Variants in ST18 observed in about 807,000 individuals in gnomAD.
The protein encoded by ST18 is suppression of tumorigenicity 18 protein.
In ST18, 50 loss-of-function variants were observed where a neutral mutation model predicts 110.0. That is an observed-to-expected ratio of 0.45 (90% CI 0.36 to 0.58). ST18 has a LOEUF of 0.58. ST18 is among the 20% of genes least tolerant of loss of function. The probability of loss-of-function intolerance (pLI) is 0.00; values close to 1 mark genes in which losing one functional copy is unlikely to be tolerated. For synonymous variants in ST18, 461 were observed against 452.4 expected, an observed-to-expected ratio of 1.02 and a Z score of -0.24; for missense variants, 1,306 against 1,280.1, an observed-to-expected ratio of 1.02 and a Z score of -0.31.
chr8:52,145,308 GTTAT>G (rs1481028426), intron 16 of ST18, among the ~76,000 whole-genome samples: 2 of 152,024 alleles, frequency 1.3e-5, no homozygotes, highest in Non-Finnish European at 2.9e-5. Flanking sequence ...CAGGATATAT[GTTAT>G]TTATTTTGGT....
At chr8:52,203,116 G>T (rs930263319) in intron 8 of ST18, among the ~76,000 whole-genome samples, 1 of 152,074 alleles carries the variant, frequency 6.6e-6, no homozygotes, top group South Asian at 2.1e-4. Context: ...CAAAAAGTAG[G>T]CAGTATATTA....
chr8:52,116,876 C>A (rs967884821), intron 24 of ST18, among the ~76,000 whole-genome samples: 1 of 152,082 alleles, frequency 6.6e-6, no homozygotes, highest in Admixed American at 6.5e-5. Context: ...CCCCTGGGCC[C>A]AGCCACCAGT....
At chr8:52,381,869 A>C (rs1277821479) in intron 2 of ST18, among the ~76,000 whole-genome samples, 2 of 152,108 alleles carry the variant, frequency 1.3e-5, no homozygotes, top group Non-Finnish European at 2.9e-5. Context: ...AACAATGCAC[A>C]ATGCTCACTA....
At chr8:52,239,732 C>G (rs917803797) in intron 2 of ST18, among the ~76,000 whole-genome samples, 13 of 152,170 alleles carry the variant, frequency 8.5e-5, no homozygotes, top group African/African-American at 3.1e-4. Flanking sequence ...AAAGTCTTCC[C>G]TCTCTCACGC....
intron 13 of ST18, among the ~76,000 whole-genome samples, chr8:52,162,043 T>C (rs2061597105): frequency 6.6e-6 from 1 of 152,124 alleles, no homozygotes; most frequent in African/African-American, 2.4e-5. Context: ...AACCCCTGTC[T>C]CTACTAAAAA....
chr8:52,260,360 G>A (rs558594219), intron 2 of ST18, among the ~76,000 whole-genome samples: 7 of 152,160 alleles, frequency 4.6e-5, no homozygotes, highest in East Asian at 1.9e-4. Context: ...TCTTCACAAA[G>A]CAACTGAATT....
chr8:52,353,146 T>C (rs558588202), intron 2 of ST18, among the ~76,000 whole-genome samples: 1 of 152,338 alleles, frequency 6.6e-6, no homozygotes, highest in East Asian at 1.9e-4. Context: ...TATCCAAAGA[T>C]AGAGTTATGT....
intron 17 of ST18, among the ~76,000 whole-genome samples, chr8:52,140,993 A>T (rs1440974975): frequency 6.6e-6 from 1 of 151,488 alleles, no homozygotes; most frequent in Non-Finnish European, 1.5e-5. Context: ...AGTTTCTAAG[A>T]AGTTAGAAGT....
intron 5 of ST18, among the ~76,000 whole-genome samples, chr8:52,218,647 G>T (rs112278412): frequency 0.097 from 14,076 of 144,972 alleles, 1,533 homozygotes; most frequent in African/African-American, 0.26. Context: ...TGATCCACCC[G>T]CCTTGGCCTC....
chr8:52,258,667 T>C (rs934057878), intron 2 of ST18, among the ~76,000 whole-genome samples: 3 of 152,186 alleles, frequency 2.0e-5, no homozygotes, highest in Non-Finnish European at 4.4e-5. Flanking sequence ...GATCATGTCA[T>C]CTGCAAATGG....
intron 2 of ST18, among the ~76,000 whole-genome samples, chr8:52,402,566 A>G (rs1051616315): frequency 2.0e-5 from 3 of 152,210 alleles, no homozygotes; most frequent in African/African-American, 7.2e-5. Context: ...GACAGCTGCA[A>G]TTCAGGTCTT....
At chr8:52,250,277 C>T (rs901379593) in intron 2 of ST18, among the ~76,000 whole-genome samples, 1 of 151,624 alleles carries the variant, frequency 6.6e-6, no homozygotes, top group African/African-American at 2.4e-5. Flanking sequence ...CTGCATCTCC[C>T]TTGAACAGAC....
At chr8:52,244,334 C>A (rs2093675725) in intron 2 of ST18, among the ~76,000 whole-genome samples, 2 of 152,124 alleles carry the variant, frequency 1.3e-5, no homozygotes, top group African/African-American at 4.8e-5. Flanking sequence ...AAATAAATAT[C>A]AGTGGGATAT....
intron 2 of ST18, among the ~76,000 whole-genome samples, chr8:52,381,602 A>G (rs1488369431): frequency 1.3e-5 from 2 of 152,198 alleles, no homozygotes; most frequent in Non-Finnish European, 2.9e-5. Context: ...GCCATCCCCC[A>G]AAAGCAAAGA....
intron 2 of ST18, among the ~76,000 whole-genome samples, chr8:52,244,255 C>G (rs1321211995): frequency 6.6e-6 from 1 of 152,144 alleles, no homozygotes; most frequent in Admixed American, 6.5e-5. Context: ...CTATCGAAAC[C>G]CGCACGCTGT....
At chr8:52,353,442 G>A (rs1052926485) in intron 2 of ST18, among the ~76,000 whole-genome samples, 2 of 152,190 alleles carry the variant, frequency 1.3e-5, no homozygotes, top group Non-Finnish European at 2.9e-5. Context: ...ACTAGACGCT[G>A]AGAGGAGATA....
intron 8 of ST18, among the ~76,000 whole-genome samples, chr8:52,196,537 T>G (rs1381177771): frequency 6.6e-6 from 1 of 152,206 alleles, no homozygotes; most frequent in East Asian, 1.9e-4. Flanking sequence ...TTCAGTTGAC[T>G]GTAGTCAACC....
chr8:52,345,851 C>T (rs7001205), intron 2 of ST18, among the ~76,000 whole-genome samples: 3,389 of 152,196 alleles, frequency 0.022, 124 homozygotes, highest in African/African-American at 0.078. Context: ...CTCTACTCTG[C>T]CCAGAATCTT....
intron 2 of ST18, among the ~76,000 whole-genome samples, chr8:52,390,191 T>C (rs1404777870): frequency 1.3e-5 from 2 of 152,182 alleles, no homozygotes; most frequent in East Asian, 3.9e-4. Flanking sequence ...GTGGAGTCAA[T>C]GTCTTCGGGC....
Sources: allele counts gnomAD v4.1 joint callset (sites outside exome capture counted in the v4.1 genomes callset), GRCh38; gene constraint gnomAD v4.1.1; transcripts MANE v1.5; gene names NCBI Gene and HGNC (gene_info 2026-07-23, HGNC 2026-07-21).